BLOC1S5: variants seen among roughly 807,000 people sequenced by gnomAD.
BLOC1S5 encodes biogenesis of lysosome-related organelles complex 1 subunit 5.
BLOC1S5 carries 27 observed loss-of-function variants against 24.3 expected under a neutral mutation model. The observed-to-expected ratio is 1.11, with a 90% CI of 0.82 to 1.53. The LOEUF (loss-of-function observed/expected upper bound fraction) is 1.53, where lower values mean the gene tolerates loss of function less well. Among genes scored for constraint, BLOC1S5 ranks in the 40% most tolerant of loss-of-function variants. The pLI is 0.00. For missense variants in BLOC1S5, 239 were observed against 229.4 expected, an observed-to-expected ratio of 1.04 and a Z score of -0.27; for synonymous variants, 84 against 74.5, an observed-to-expected ratio of 1.13 and a Z score of -0.66.
intron 3 of BLOC1S5, among the ~76,000 whole-genome samples, chr6:8,040,500 T>C (rs1561863471): frequency 6.6e-6 from 1 of 152,232 alleles, no homozygotes; most frequent in African/African-American, 2.4e-5. Flanking sequence ...AGTAAAGAAT[T>C]ATAATTGCAT....
intron 4 of BLOC1S5, among the ~76,000 whole-genome samples, chr6:8,021,229 G>A (rs1762905505): frequency 6.6e-6 from 1 of 152,202 alleles, no homozygotes; most frequent in South Asian, 2.1e-4. Context: ...GTAGAATGGT[G>A]GTTTCCAGGG....
chr6:8,064,335 G>A lies in BLOC1S5; in HGVS notation c.42C>T (p.Ala14=). The change falls in exon 1 of 5, where the codon GCC becomes GCT. Residue 14 remains alanine, a synonymous_variant. Coordinates refer to ENST00000397457, the MANE Select transcript of BLOC1S5 (RefSeq NM_201280.3). The part of the protein sequence containing the change: ...GGTETPVGCE[A]APGGGSKKRD... Reference sequence around the variant, plus strand: ...TCTTCTTGCTGCCACCGCCCGGGGCGGCCTCACAACCCACAGGGGTCTCTG... The same window carrying A: ...TCTTCTTGCTGCCACCGCCCGGGGCAGCCTCACAACCCACAGGGGTCTCTG... 4 of 1,612,948 alleles carry A rather than the reference G, an allele frequency of 2.5e-6. No individual in the cohort carries two copies. In the African/African-American group the frequency reaches 4.0e-5, roughly 16 times the overall value.
intron 2 of BLOC1S5, among the ~76,000 whole-genome samples, chr6:8,061,283 A>G (rs1282259065): frequency 1.3e-5 from 2 of 152,224 alleles, no homozygotes; most frequent in Non-Finnish European, 2.9e-5. Context: ...AAAAGATAAA[A>G]AAGACTTAAA....
At chr6:8,063,123 A>C (rs1757324230) in intron 1 of BLOC1S5, among the ~76,000 whole-genome samples, 1 of 152,202 alleles carries the variant, frequency 6.6e-6, no homozygotes, top group African/African-American at 2.4e-5. Flanking sequence ...TAAAATATTC[A>C]AAATATTTCC....
chr6:8,024,362 C>T (rs1279487635), intron 4 of BLOC1S5, among the ~76,000 whole-genome samples: 1 of 151,562 alleles, frequency 6.6e-6, no homozygotes, highest in Non-Finnish European at 1.5e-5. Context: ...CCTGTCTCTA[C>T]TAAAAATACA....
At chr6:8,063,833 C>T (rs985313768) in intron 1 of BLOC1S5, among the ~76,000 whole-genome samples, 1 of 152,214 alleles carries the variant, frequency 6.6e-6, no homozygotes. Flanking sequence ...AAGTGTATCT[C>T]ACTTACTCCT....
At chr6:8,042,322 T>C (rs1763721221) in intron 2 of BLOC1S5, among the ~76,000 whole-genome samples, 1 of 152,206 alleles carries the variant, frequency 6.6e-6, no homozygotes, top group Non-Finnish European at 1.5e-5. Context: ...AAAATAAAAA[T>C]GGGTAGTAAA....
chr6:8,034,352 C>A (rs1416298326), intron 3 of BLOC1S5, among the ~76,000 whole-genome samples: 1 of 152,132 alleles, frequency 6.6e-6, no homozygotes, highest in African/African-American at 2.4e-5. Flanking sequence ...AGCTGGAAAC[C>A]ATCATTCTCA....
At chr6:8,060,269 C>T (rs547692029) in intron 2 of BLOC1S5, among the ~76,000 whole-genome samples, 2 of 151,994 alleles carry the variant, frequency 1.3e-5, no homozygotes, top group Non-Finnish European at 2.9e-5. Flanking sequence ...CTGTAACAAT[C>T]GTGATGTGTT....
At chr6:8,032,838 C>A (rs528216972) in intron 3 of BLOC1S5, among the ~76,000 whole-genome samples, 2 of 152,248 alleles carry the variant, frequency 1.3e-5, no homozygotes, top group African/African-American at 4.8e-5. Flanking sequence ...CATTAACAGA[C>A]AAACAGAGAG....
At chr6:8,017,839 C>A (rs9328451) in intron 4 of BLOC1S5, 1 of 152,050 alleles carries the variant, frequency 6.6e-6, no homozygotes, top group Non-Finnish European at 1.5e-5. Flanking sequence ...CCCAAACCTA[C>A]GCCTTTTCTA....
chr6:8,044,516 CAGGCAA>C (rs1373024527), intron 2 of BLOC1S5, among the ~76,000 whole-genome samples: 1 of 152,052 alleles, frequency 6.6e-6, no homozygotes, highest in Admixed American at 6.6e-5. Flanking sequence ...AAATGAGTAA[CAGGCAA>C]AGGTTGGAAC....
chr6:8,049,581 C>T (rs943572581), intron 2 of BLOC1S5, among the ~76,000 whole-genome samples: 21 of 152,180 alleles, frequency 1.4e-4, no homozygotes, highest in African/African-American at 4.8e-4. Context: ...GTAGCTTCTA[C>T]TCCTATCCTT....
At chr6:8,018,183 C>G (rs1464621530) in intron 4 of BLOC1S5, 1 of 152,142 alleles carries the variant, frequency 6.6e-6, no homozygotes, top group Non-Finnish European at 1.5e-5. Context: ...AAATCCAATG[C>G]GTTACTTTTT....
At chr6:8,019,381 G>A (rs985875010) in intron 4 of BLOC1S5, among the ~76,000 whole-genome samples, 1 of 150,772 alleles carries the variant, frequency 6.6e-6, no homozygotes, top group Admixed American at 6.7e-5. Flanking sequence ...CAATTCTCAT[G>A]CCTCAGCCTC....
chr6:8,046,283 C>A (rs1387410177), intron 2 of BLOC1S5, among the ~76,000 whole-genome samples: 4 of 152,174 alleles, frequency 2.6e-5, no homozygotes, highest in African/African-American at 9.7e-5. Flanking sequence ...TCCTCCCCAG[C>A]CATGTGGAAC....
At chr6:8,024,865 G>C (rs916887142) in intron 4 of BLOC1S5, among the ~76,000 whole-genome samples, 2 of 152,088 alleles carry the variant, frequency 1.3e-5, no homozygotes, top group Admixed American at 1.3e-4. Context: ...GTTTGCAAAC[G>C]AGGAGCTGGA....
At chr6:8,047,881 G>A (rs990480167) in intron 2 of BLOC1S5, among the ~76,000 whole-genome samples, 1 of 152,202 alleles carries the variant, frequency 6.6e-6, no homozygotes, top group Non-Finnish European at 1.5e-5. Flanking sequence ...ACTCTATGAG[G>A]AGAAACTGCC....
chr6:8,054,779 T>C (rs1764256140), intron 2 of BLOC1S5, among the ~76,000 whole-genome samples: 1 of 152,238 alleles, frequency 6.6e-6, no homozygotes, highest in South Asian at 2.1e-4. Context: ...TGCCCTTCAA[T>C]ATAATTTTAG....
Sources: allele counts gnomAD v4.1 joint callset (sites outside exome capture counted in the v4.1 genomes callset), GRCh38; gene constraint gnomAD v4.1.1; transcripts MANE v1.5; gene names NCBI Gene and HGNC (gene_info 2026-07-23, HGNC 2026-07-21).